SH3PXD2A: variants seen among roughly 807,000 people sequenced by gnomAD.
SH3PXD2A encodes the protein SH3 and PX domains 2A, also known as SH3 and PX domain-containing protein 2A.
SH3PXD2A carries 32 observed loss-of-function variants against 115.2 expected under a neutral mutation model. The ratio of observed to expected loss-of-function variants is 0.28; its 90% CI spans 0.21 to 0.37. The LOEUF is 0.37. Ranked by LOEUF, SH3PXD2A falls within the 10% of genes least tolerant of loss-of-function variation. The pLI, the probability that SH3PXD2A is intolerant of heterozygous loss-of-function variation, is 1.00. For synonymous variants in SH3PXD2A, 610 were observed against 629.1 expected, an observed-to-expected ratio of 0.97 and a Z score of 0.45; for missense variants, 1,328 against 1,498.7, an observed-to-expected ratio of 0.89 and a Z score of 1.88.
chr10:103,728,897 G>GTTTTTTTTTTTTTTTTTTTTTTTTT (rs57283527), intron 4 of SH3PXD2A, among the ~76,000 whole-genome samples: 2 of 135,902 alleles, frequency 1.5e-5, no homozygotes, highest in East Asian at 2.1e-4. Context: ...TTGTTTGTTT[G>GTTTTTTTTTTTTTTTTTTTTTTTTT]TTTTTTTTTT....
Position 103,706,405 on chromosome 10 carries a change from A to G in SH3PXD2A, c.399-13349T>C, listed in dbSNP as rs2037981151. Among the ~76,000 whole-genome samples the G allele has an allele frequency of 2.0e-5, 3 of 152,192 alleles. No homozygotes were observed. In the South Asian group the frequency reaches 6.2e-4, roughly 31 times the overall value. The stretch of plus-strand genomic sequence containing the variant: ...TTCTGGGGGCAGTGATGCCGGACCA[A>G]TGCTGTCCTGGGCCCCAGCTCCCAG... On this transcript the variant is annotated intron_variant, in intron 5 of 14. Transcript: ENST00000369774.
At chr10:103,838,960 C>T (rs1403848216) in intron 1 of SH3PXD2A, among the ~76,000 whole-genome samples, 3 of 152,140 alleles carry the variant, frequency 2.0e-5, no homozygotes, top group African/African-American at 7.2e-5. Context: ...TGAGCTGGCC[C>T]CAGCTGCCAG....
intron 5 of SH3PXD2A, among the ~76,000 whole-genome samples, chr10:103,704,509 T>C (rs1483476401): frequency 6.6e-6 from 1 of 152,172 alleles, no homozygotes; most frequent in Non-Finnish European, 1.5e-5. Context: ...CCAGAATCCC[T>C]TGCTGCTGCC....
intron 1 of SH3PXD2A, among the ~76,000 whole-genome samples, chr10:103,822,420 G>A (rs1166135701): frequency 6.6e-6 from 1 of 152,240 alleles, no homozygotes; most frequent in Admixed American, 6.5e-5. Flanking sequence ...TCACACAGCT[G>A]CACACATACA....
At chr10:103,779,132 G>A (rs1049824391) in intron 2 of SH3PXD2A, among the ~76,000 whole-genome samples, 3 of 152,132 alleles carry the variant, frequency 2.0e-5, no homozygotes, top group Admixed American at 6.5e-5. Flanking sequence ...GTACTGACAC[G>A]ATCCCGGCTC....
intron 5 of SH3PXD2A, among the ~76,000 whole-genome samples, chr10:103,697,561 G>A (rs2037839648): frequency 6.6e-6 from 1 of 152,146 alleles, no homozygotes; most frequent in African/African-American, 2.4e-5. Flanking sequence ...ACCAGGAAGT[G>A]TGTTCATCCC....
intron 3 of SH3PXD2A, among the ~76,000 whole-genome samples, chr10:103,751,115 C>T (rs1169928143): frequency 6.6e-6 from 1 of 152,204 alleles, no homozygotes; most frequent in Non-Finnish European, 1.5e-5. Flanking sequence ...ACCTTTAACC[C>T]TTGTCAAACT....
chr10:103,736,900 T>C (rs2038387230), intron 3 of SH3PXD2A: 5 of 651,736 alleles, frequency 7.7e-6, no homozygotes, highest in South Asian at 7.3e-5. Flanking sequence ...GCAACAAAGG[T>C]AGCCACAGGA....
intron 11 of SH3PXD2A, among the ~76,000 whole-genome samples, chr10:103,615,182 A>G (rs1276433301): frequency 6.6e-6 from 1 of 152,216 alleles, no homozygotes; most frequent in African/African-American, 2.4e-5. Context: ...CATCTCAGAG[A>G]AAAGACAAAG....
chr10:103,809,380 G>A (rs1370142636), intron 1 of SH3PXD2A, among the ~76,000 whole-genome samples: 1 of 152,168 alleles, frequency 6.6e-6, no homozygotes, highest in Non-Finnish European at 1.5e-5. Context: ...AACCCCAGAA[G>A]GGCTCTGGGA....
chr10:103,669,874 C>T (rs1004633544), intron 6 of SH3PXD2A, among the ~76,000 whole-genome samples: 1 of 152,240 alleles, frequency 6.6e-6, no homozygotes, highest in Non-Finnish European at 1.5e-5. Context: ...TTCCCCTTTG[C>T]CAAGCATCCT....
At position 103,735,826 on chromosome 10, in the gene SH3PXD2A, A is replaced by G. The variant is rs1055353076; in HGVS notation, c.230-18T>C. 3 of 1,607,272 alleles carry G rather than the reference A, an allele frequency of 1.9e-6. No homozygotes were observed. The highest frequency in any genetic ancestry group is 1.1e-5 in the South Asian group (1 of 90,958). ...GATCTTGCCTGGAAGAGAGATGCTC[A>G]TGAGTGGGGGATTCTGGCTAAAACT... On this transcript the variant is annotated intron_variant, in intron 3 of 14. Transcript: ENST00000369774.
chr10:103,625,465 G>A (rs2036677531), intron 9 of SH3PXD2A, among the ~76,000 whole-genome samples: 2 of 152,270 alleles, frequency 1.3e-5, no homozygotes, highest in African/African-American at 4.8e-5. Flanking sequence ...AGTTGCCACA[G>A]CTGGAAGGAT....
intron 13 of SH3PXD2A, among the ~76,000 whole-genome samples, chr10:103,607,877 T>G (rs1281141508): frequency 1.3e-5 from 2 of 151,994 alleles, no homozygotes; most frequent in East Asian, 3.9e-4. Flanking sequence ...CTCTGAAACA[T>G]GTGCTGTGTC....
chr10:103,718,948 T>C (rs1434179156), intron 5 of SH3PXD2A, among the ~76,000 whole-genome samples: 2 of 152,200 alleles, frequency 1.3e-5, no homozygotes, highest in Non-Finnish European at 2.9e-5. Flanking sequence ...GCCTCATGAA[T>C]GAGATCAGTG....
At chr10:103,672,177 C>T (rs1012365282) in intron 6 of SH3PXD2A, among the ~76,000 whole-genome samples, 2 of 152,184 alleles carry the variant, frequency 1.3e-5, no homozygotes, top group African/African-American at 2.4e-5. Flanking sequence ...CCCAGCTACT[C>T]GGAAGGCTGA....
chr10:103,711,641 G>A (rs1220161522), intron 5 of SH3PXD2A, among the ~76,000 whole-genome samples: 1 of 152,220 alleles, frequency 6.6e-6, no homozygotes, highest in Non-Finnish European at 1.5e-5. Context: ...AGAAATGACA[G>A]CAGCAGCAAG....
chr10:103,694,746 C>T (rs1443134839), intron 5 of SH3PXD2A, among the ~76,000 whole-genome samples: 1 of 152,070 alleles, frequency 6.6e-6, no homozygotes, highest in Non-Finnish European at 1.5e-5. Flanking sequence ...TTTATAAGCC[C>T]ACTGGAAGGA....
chr10:103,620,118 T>A lies in SH3PXD2A; in HGVS notation c.802+2352A>T, dbSNP rs1270629828. 6.6e-6 allele frequency among the ~76,000 whole-genome samples: 1 copy of A among 152,196 alleles called. No homozygotes were observed. The highest frequency in any genetic ancestry group is 1.5e-5 in the Non-Finnish European group (1 of 68,028). On this transcript the variant is annotated intron_variant, in intron 10 of 14. Coordinates refer to ENST00000369774, the MANE Select transcript of SH3PXD2A (RefSeq NM_001394015.1). The surrounding 1 kb of genome is among the most constrained non-coding windows in gnomAD (Gnocchi z 5.3). ...GAGGCCCAGACAGACGGACATGGCC[T>A]CAGCGGGCAGCTGCATGATTCAGGG...
Sources: gnomAD v4.1 joint callset for allele counts (sites outside exome capture counted in the v4.1 genomes callset) on GRCh38, gnomAD v4.1.1 for gene constraint, Gnocchi (gnomAD v3.1) non-coding constraint, MANE v1.5 for transcripts, NCBI Gene and HGNC (gene_info 2026-07-23, HGNC 2026-07-21) for gene names.